Variants in FHL2 observed in about 807,000 individuals in gnomAD.
FHL2 encodes four and a half LIM domains 2.
FHL2 carries 20 observed loss-of-function variants against 32.7 expected under a neutral mutation model. The observed-to-expected ratio is 0.61, with a 90% CI of 0.43 to 0.89. The LOEUF is 0.89. Among genes scored for constraint, FHL2 ranks in the 40% least tolerant of loss-of-function variants. The pLI is 0.00. For synonymous variants in FHL2, 123 were observed against 128.1 expected (o/e 0.96, Z 0.27); for missense variants, 311 against 358.6 (o/e 0.87, Z 1.07).
chr2:105,379,912 C>A (rs188262580), intron 3 of FHL2, among the ~76,000 whole-genome samples: 193 of 152,352 alleles, frequency 1.3e-3, no homozygotes, highest in Non-Finnish European at 1.9e-3. Context: ...TTGTATGTCT[C>A]CTTCCAAATC....
chr2:105,389,548 G>A (rs375096069), intron 2 of FHL2, among the ~76,000 whole-genome samples: 18 of 152,284 alleles, frequency 1.2e-4, no homozygotes, highest in East Asian at 3.9e-4. Context: ...TATAAATTGC[G>A]GAATTGTAAA....
At chr2:105,392,057 C>T (rs998598436) in intron 2 of FHL2, among the ~76,000 whole-genome samples, 5 of 152,174 alleles carry the variant, frequency 3.3e-5, no homozygotes, top group African/African-American at 1.2e-4. Context: ...AGGGTACAGG[C>T]TTGACTCCAG....
At chr2:105,404,029 C>A (rs1235971673), upstream of FHL2, among the ~76,000 whole-genome samples, 1 of 152,158 alleles carries the variant, frequency 6.6e-6, no homozygotes, top group Non-Finnish European at 1.5e-5. Flanking sequence ...TGGGCTAGAC[C>A]CATCTGTGCA....
chr2:105,418,218 G>C (rs1174992968), intron 1 of FHL2, among the ~76,000 whole-genome samples: 3 of 152,070 alleles, frequency 2.0e-5, no homozygotes, highest in Non-Finnish European at 4.4e-5. Flanking sequence ...GCCACCCAAG[G>C]CTGCCAAGGG....
intron 1 of FHL2, among the ~76,000 whole-genome samples, chr2:105,406,716 T>A (rs1462288967): frequency 1.3e-5 from 2 of 152,146 alleles, no homozygotes; most frequent in Non-Finnish European, 2.9e-5. Flanking sequence ...AATGATGAGG[T>A]CAGGAAAGCA....
intron 1 of FHL2, among the ~76,000 whole-genome samples, chr2:105,397,873 G>GTTTTTTTTTT (rs1192168352): frequency 2.5e-5 from 1 of 40,372 alleles, no homozygotes; most frequent in African/African-American, 6.5e-5. Context: ...AATGGTTTTT[G>GTTTTTTTTTT]TTTTTTTGTT....
intron 1 of FHL2, among the ~76,000 whole-genome samples, chr2:105,434,215 A>G (rs1235540122): frequency 3.3e-5 from 5 of 152,254 alleles, no homozygotes; most frequent in African/African-American, 9.6e-5. Flanking sequence ...TCCCTTGCAT[A>G]TGGCAACAGG....
At chr2:105,402,144 CAT>C (rs988375170), upstream of FHL2, among the ~76,000 whole-genome samples, 4 of 148,404 alleles carry the variant, frequency 2.7e-5, no homozygotes, top group Non-Finnish European at 4.5e-5. Flanking sequence ...CATATACACA[CAT>C]ATACACATGT....
chr2:105,387,171 G>T (rs902584396), intron 2 of FHL2, among the ~76,000 whole-genome samples: 3 of 152,168 alleles, frequency 2.0e-5, no homozygotes, highest in Admixed American at 1.3e-4. Flanking sequence ...ATCCTGTCCG[G>T]CTGTGACCCG....
intron 1 of FHL2, among the ~76,000 whole-genome samples, chr2:105,415,592 C>A (rs561315661): frequency 3.9e-5 from 6 of 152,264 alleles, no homozygotes; most frequent in African/African-American, 1.4e-4. Context: ...GGTGGCTTCA[C>A]AATGGGCAGG....
intron 1 of FHL2, among the ~76,000 whole-genome samples, chr2:105,420,476 C>T (rs954903658): frequency 7.9e-5 from 12 of 152,120 alleles, no homozygotes; most frequent in Admixed American, 6.5e-5. Flanking sequence ...TTAGGAGTTA[C>T]GGCTTCAGCA....
chr2:105,389,931 AAAAC>A (rs1281663223), intron 2 of FHL2: 1 of 152,322 alleles, frequency 6.6e-6, no homozygotes, highest in Non-Finnish European at 1.5e-5. Flanking sequence ...GAAAAAAACA[AAAAC>A]AAAAAAAATC....
At chr2:105,362,616 C>T (rs141837220) in intron 6 of FHL2, among the ~76,000 whole-genome samples, 1 of 152,332 alleles carries the variant, frequency 6.6e-6, no homozygotes, top group African/African-American at 2.4e-5. Context: ...TATTACAGAA[C>T]ACACACTTTT....
chr2:105,363,520 A>G (rs1680424666), intron 5 of FHL2, 49 bp from the exon 6 acceptor site: 1 of 1,513,576 alleles, frequency 6.6e-7, no homozygotes, highest in Non-Finnish European at 9.0e-7. Flanking sequence ...CTTGGCAGAC[A>G]TCTTCAGTCT....
intron 1 of FHL2, among the ~76,000 whole-genome samples, chr2:105,431,069 T>G (rs1277476271): frequency 6.6e-6 from 1 of 152,258 alleles, no homozygotes; most frequent in African/African-American, 2.4e-5. Context: ...GTGATAGGAA[T>G]GCCTGCCATG....
At chr2:105,389,545 T>C (rs1682565235) in intron 2 of FHL2, among the ~76,000 whole-genome samples, 1 of 152,222 alleles carries the variant, frequency 6.6e-6, no homozygotes, top group Admixed American at 6.5e-5. Context: ...AACTATAAAT[T>C]GCGGAATTGT....
chr2:105,387,647 A>C (rs1682417627), intron 2 of FHL2, among the ~76,000 whole-genome samples: 1 of 152,224 alleles, frequency 6.6e-6, no homozygotes. Flanking sequence ...ACATTTATAC[A>C]CTGTGGGTGG....
intron 3 of FHL2, among the ~76,000 whole-genome samples, chr2:105,381,063 T>C (rs1206524209): frequency 2.6e-5 from 4 of 152,146 alleles, no homozygotes; most frequent in Non-Finnish European, 4.4e-5. Flanking sequence ...AAGGTGGCTC[T>C]GGGTGGCAGG....
At chr2:105,423,878 A>T (rs1285263478) in intron 1 of FHL2, among the ~76,000 whole-genome samples, 1 of 152,242 alleles carries the variant, frequency 6.6e-6, no homozygotes, top group African/African-American at 2.4e-5. Context: ...AATTGACTCA[A>T]GATGGGTTAA....
Sources: gnomAD v4.1 joint callset for allele counts (sites outside exome capture counted in the v4.1 genomes callset) on GRCh38, gnomAD v4.1.1 for gene constraint, MANE v1.5 for transcripts, NCBI Gene and HGNC (gene_info 2026-07-23, HGNC 2026-07-21) for gene names.